The following C8orf34 variants were observed in gnomAD, a reference collection of about 807,000 sequenced individuals.
C8orf34 encodes the protein uncharacterized protein C8orf34.
A neutral mutation model predicts 68.3 loss-of-function variants in C8orf34; 65 were observed. That is an observed-to-expected ratio of 0.95 (90% CI 0.78 to 1.17). The LOEUF is 1.17. C8orf34 is among the 50% of genes most tolerant of loss of function. C8orf34 has a pLI of 0.00. For synonymous variants in C8orf34, 244 were observed against 241.2 expected, an observed-to-expected ratio of 1.01 and a Z score of -0.11; for missense variants, 664 against 655.4, an observed-to-expected ratio of 1.01 and a Z score of -0.14.
intron 1 of C8orf34, among the ~76,000 whole-genome samples, chr8:68,371,635 T>A (rs1173873796): frequency 6.6e-6 from 1 of 151,606 alleles, no homozygotes; most frequent in Non-Finnish European, 1.5e-5. Flanking sequence ...AGTCTCGCTC[T>A]GTTGCCCTGG....
intron 7 of C8orf34, among the ~76,000 whole-genome samples, chr8:68,545,334 A>C (rs1029782401): frequency 2.6e-5 from 4 of 152,108 alleles, no homozygotes; most frequent in Admixed American, 2.6e-4. Flanking sequence ...GAGGCCTCCC[A>C]AGCCAGGTGA....
intron 11 of C8orf34, among the ~76,000 whole-genome samples, chr8:68,777,953 T>A (rs1046375358): frequency 6.6e-6 from 1 of 152,180 alleles, no homozygotes; most frequent in African/African-American, 2.4e-5. Flanking sequence ...TTCTTAGGGG[T>A]TTAGTATTAC....
In C8orf34 at chr8:68,624,676, C is replaced by G. The variant is rs28489660; in HGVS notation, c.1106-15700C>G. ...CTAGTGTGCTTTGATATTTCAAGGA[C>G]AATTCTAGGAAATAGCGATACAGCA... On this transcript the variant is annotated intron_variant, in intron 7 of 13. Coordinates refer to ENST00000518698, the MANE Select transcript of C8orf34 (RefSeq NM_052958.4). Among the ~76,000 whole-genome samples the G allele has an allele frequency of 4.4e-3, 599 of 136,878 alleles. 2 individuals carry two copies. The highest frequency in any genetic ancestry group is 5.7e-3 in the Non-Finnish European group (345 of 60,972). 89.8% of individuals were successfully genotyped at this position (136,878 alleles called of 152,430 possible). A position where few individuals can be genotyped will look rare whatever the true frequency, so the allele number is the denominator to read the frequency against.
intron 8 of C8orf34, among the ~76,000 whole-genome samples, chr8:68,646,312 A>T (rs1424095124): frequency 6.6e-6 from 1 of 151,874 alleles, no homozygotes; most frequent in African/African-American, 2.4e-5. Context: ...AATTTTTAAA[A>T]TTTAATTTAA....
At chr8:68,757,154 ATT>A (rs201240952) in intron 10 of C8orf34, among the ~76,000 whole-genome samples, 2 of 149,852 alleles carry the variant, frequency 1.3e-5, no homozygotes, top group East Asian at 1.9e-4. Context: ...AAAATTATTT[ATT>A]TTTTTTTTAT....
At chr8:68,372,610 CTAT>C (rs1175470175) in intron 1 of C8orf34, among the ~76,000 whole-genome samples, 12 of 152,158 alleles carry the variant, frequency 7.9e-5, no homozygotes, top group Admixed American at 6.5e-5. Flanking sequence ...GCATAACTTA[CTAT>C]TATTATACTT....
chr8:68,462,646 A>G (rs1811896606), intron 3 of C8orf34, among the ~76,000 whole-genome samples: 1 of 152,120 alleles, frequency 6.6e-6, no homozygotes, highest in Non-Finnish European at 1.5e-5. Context: ...CTCACTCAAA[A>G]CCACTCAACT....
intron 10 of C8orf34, among the ~76,000 whole-genome samples, chr8:68,735,123 T>C (rs1015258484): frequency 6.6e-6 from 1 of 152,198 alleles, no homozygotes; most frequent in African/African-American, 2.4e-5. Flanking sequence ...GATTGGAACC[T>C]ATCTGTCACA....
In C8orf34 at chr8:68,818,423, A is replaced by T. The variant is rs1824884685; in HGVS notation, c.*177A>T. 1 of 658,782 alleles carries T rather than the reference A, an allele frequency of 1.5e-6. No homozygotes were observed. Among genetic ancestry groups the T allele is most frequent in the South Asian group, 2.3e-5 (1 of 42,818 alleles). The allele number at this position is 658,782 out of a possible 1,614,324, so 40.8% of individuals were successfully genotyped here. A position where few individuals can be genotyped will look rare whatever the true frequency, so the allele number is the denominator to read the frequency against. On this transcript the variant is annotated 3_prime_UTR_variant, in exon 14 of 14. Transcript: ENST00000518698. ...GTGCCCAAGTATGTAATCAGAGAAC[A>T]CTAATCCTGGCAAAGGATTGTGGGG...
intron 1 of C8orf34, among the ~76,000 whole-genome samples, chr8:68,350,184 C>A (rs1459282225): frequency 6.6e-6 from 1 of 151,770 alleles, no homozygotes; most frequent in African/African-American, 2.4e-5. Context: ...TCATTATTTT[C>A]AAAGAACTTC....
intron 10 of C8orf34, among the ~76,000 whole-genome samples, chr8:68,743,299 G>A (rs1447184163): frequency 6.6e-6 from 1 of 152,152 alleles, no homozygotes; most frequent in African/African-American, 2.4e-5. Flanking sequence ...TTTCTCCTAT[G>A]TAATTGCTTT....
intron 1 of C8orf34, among the ~76,000 whole-genome samples, chr8:68,432,484 A>G (rs2129624942): frequency 1.3e-5 from 2 of 151,918 alleles, no homozygotes; most frequent in Middle Eastern, 3.4e-3. Flanking sequence ...CTAATTTTGT[A>G]TTTTTAGTAG....
At chr8:68,663,710 A>T (rs1334065499) in intron 8 of C8orf34, among the ~76,000 whole-genome samples, 1 of 152,160 alleles carries the variant, frequency 6.6e-6, no homozygotes, top group Non-Finnish European at 1.5e-5. Flanking sequence ...GAAGTTTTAT[A>T]ACTAGGACCA....
At chr8:68,791,074 A>G (rs905213652) in intron 12 of C8orf34, 153 of 587,302 alleles carry the variant, frequency 2.6e-4, no homozygotes, top group Admixed American at 7.2e-4. Flanking sequence ...AGAAATATAC[A>G]TGGAGAAGAC....
chr8:68,490,157 T>G (rs1313216960), intron 5 of C8orf34, among the ~76,000 whole-genome samples: 1 of 152,136 alleles, frequency 6.6e-6, no homozygotes, highest in Non-Finnish European at 1.5e-5. Context: ...ATGTAATAAT[T>G]CCTCCTCTTG....
chr8:68,574,937 T>A (rs1203260353), intron 7 of C8orf34, among the ~76,000 whole-genome samples: 1 of 151,932 alleles, frequency 6.6e-6, no homozygotes, highest in African/African-American at 2.4e-5. Context: ...TTATAGACAC[T>A]CCCTATTCCT....
chr8:68,443,734 G>A (rs1181663986), intron 2 of C8orf34, among the ~76,000 whole-genome samples: 1 of 151,984 alleles, frequency 6.6e-6, no homozygotes, highest in Non-Finnish European at 1.5e-5. Context: ...GCCAGAAAAC[G>A]TCTCAATATT....
chr8:68,420,646 C>T (rs541593333), intron 1 of C8orf34, among the ~76,000 whole-genome samples: 69 of 152,120 alleles, frequency 4.5e-4, no homozygotes, highest in Non-Finnish European at 5.6e-4. Flanking sequence ...TTATCAGACA[C>T]AGACATTAAA....
chr8:68,420,682 G>T (rs1450731924), intron 1 of C8orf34, among the ~76,000 whole-genome samples: 1 of 152,088 alleles, frequency 6.6e-6, no homozygotes, highest in Non-Finnish European at 1.5e-5. Context: ...ATGTTCAGGG[G>T]ATAGAGGCAA....
Sources: allele counts gnomAD v4.1 joint callset (sites outside exome capture counted in the v4.1 genomes callset), GRCh38; gene constraint gnomAD v4.1.1; transcripts MANE v1.5; gene names NCBI Gene and HGNC (gene_info 2026-07-23, HGNC 2026-07-21).